MAST3: variants seen among roughly 807,000 people sequenced by gnomAD.
MAST3 encodes microtubule-associated serine/threonine-protein kinase 3.
Under a neutral mutation model 127.0 loss-of-function variants are expected in MAST3, and 43 were observed. That is an observed-to-expected ratio of 0.34 (90% CI 0.27 to 0.44). The LOEUF (loss-of-function observed/expected upper bound fraction) is 0.44. Ranked by LOEUF, MAST3 falls within the 20% of genes least tolerant of loss-of-function variation. The probability of loss-of-function intolerance (pLI) is 1.00; values close to 1 mark genes in which losing one functional copy is unlikely to be tolerated. For missense variants in MAST3, 1,390 were observed against 1,919.1 expected (o/e 0.72, Z 5.15); for synonymous variants, 785 against 809.2 (o/e 0.97, Z 0.51).
chr19:18,108,815 TC>T (rs2038273541), intron 2 of MAST3, among the ~76,000 whole-genome samples: 1 of 152,126 alleles, frequency 6.6e-6, no homozygotes, highest in South Asian at 2.1e-4. Context: ...GGACACCCCA[TC>T]TTTGGGAGCT....
Position 18,144,791 on chromosome 19 carries a change from C to A in MAST3, c.2812+98C>A. On this transcript the variant is annotated intron_variant, in intron 23 of 27. Transcript: ENST00000687212. This position sits in a 1 kb window ranked among gnomAD's most constrained non-coding sequence, Gnocchi z 4.0. ...AGTTGGGGAGGCTGGGGATGAGCCC[C>A]AGAAGAGGGGAGGAGGAGTAGGACA... 7.6e-7 allele frequency: 1 copy of A among 1,314,808 alleles called. No homozygotes were observed. Among genetic ancestry groups the A allele is most frequent in the East Asian group, 2.3e-5 (1 of 42,582 alleles). The allele number at this position is 1,314,808 out of a possible 1,614,324, so 81.4% of individuals were successfully genotyped here. A position where few individuals can be genotyped will look rare whatever the true frequency, so the allele number is the denominator to read the frequency against.
chr19:18,139,322 G>GT (rs2042202233), intron 20 of MAST3, among the ~76,000 whole-genome samples, 198 bp downstream of exon 20: 1 of 150,592 alleles, frequency 6.6e-6, no homozygotes, highest in Admixed American at 6.6e-5. Flanking sequence ...AATTGTATTG[G>GT]TTTTTTGTTT....
At chr19:18,109,867 G>T in intron 2 of MAST3, 1 of 898,416 alleles carries the variant, frequency 1.1e-6, no homozygotes, top group Non-Finnish European at 1.3e-6. Flanking sequence ...ACTGCGCTCA[G>T]ATCCCGGCTC....
intron 13 of MAST3, 162 bp downstream of exon 13, chr19:18,129,113 C>A: frequency 1.5e-6 from 1 of 653,226 alleles, no homozygotes; most frequent in Non-Finnish European, 2.7e-6. Context: ...AGTGGAGACA[C>A]GCCATAGCGA....
At chr19:18,129,064 T>C in intron 13 of MAST3, 113 bp downstream of exon 13, 2 of 905,396 alleles carry the variant, frequency 2.2e-6, no homozygotes, top group Admixed American at 4.1e-5. Context: ...ACATTCATCC[T>C]TGAATGGGCA....
intron 13 of MAST3, among the ~76,000 whole-genome samples, chr19:18,129,619 G>T (rs1244663650): frequency 1.3e-5 from 2 of 152,196 alleles, no homozygotes; most frequent in East Asian, 3.8e-4. Flanking sequence ...AAACGGATGT[G>T]TAAAACTTTG....
At chr19:18,140,865 C>T (rs560777660) in intron 20 of MAST3, among the ~76,000 whole-genome samples, 100 of 152,264 alleles carry the variant, frequency 6.6e-4, no homozygotes, top group Non-Finnish European at 9.0e-4. Context: ...GCAATCTCAG[C>T]TCACTGCAAC....
rs569961100 is a variant in MAST3, at chr19:18,149,452, G to A, written c.3770G>A (p.Arg1257His). ...PPAPARSPRL[R>H]RGQSADKLGT... ...GCACCTGCCCGATCCCCGCGGCTGC[G>A]CCGGGGCCAGTCAGCTGACAAGCTG... Residue 1257 changes from arginine (R) to histidine (H), a missense_variant, in exon 28 of 28, where the codon CGC (arginine) becomes CAC (histidine). Arg to His is a conservative substitution (Grantham distance 29). This residue lies in a region of MAST3 where 816 missense variants were observed against 934.1 expected (regional missense o/e 0.87). Coordinates refer to ENST00000687212, the MANE Select transcript of MAST3 (RefSeq NM_001393504.1). The surrounding 1 kb of genome is among the most constrained non-coding windows in gnomAD (Gnocchi z 5.9). The A allele has an allele frequency of 6.3e-5, 96 of 1,533,284 alleles. No homozygotes were observed. Among genetic ancestry groups the A allele is most frequent in the African/African-American group, 2.2e-4 (16 of 72,432 alleles). The allele number at this position is 1,533,284 out of a possible 1,614,324, so 95.0% of individuals were successfully genotyped here.
intron 13 of MAST3, 114 bp downstream of exon 13, chr19:18,129,065 T>C: frequency 1.1e-6 from 1 of 904,800 alleles, no homozygotes; most frequent in Non-Finnish European, 1.8e-6. Context: ...CATTCATCCT[T>C]GAATGGGCAG....
At chr19:18,111,636 G>A (rs1212410850) in intron 3 of MAST3, among the ~76,000 whole-genome samples, 2 of 147,708 alleles carry the variant, frequency 1.4e-5, no homozygotes, top group African/African-American at 5.0e-5. Context: ...CTGGGTTCAA[G>A]CAATTCTCCT....
Position 18,145,384 on chromosome 19 carries a change from G to C in MAST3, c.3039+155G>C, listed in dbSNP as rs758643529. Reference sequence around the variant, plus strand: ...TCGGTCCCTGTCATTTGGCAGGGAGGAGGTCAGATGAGAGAGACAAGGATG... The same window carrying C: ...TCGGTCCCTGTCATTTGGCAGGGAGCAGGTCAGATGAGAGAGACAAGGATG... On this transcript the variant is annotated intron_variant, in intron 24 of 27. Coordinates refer to ENST00000687212, the MANE Select transcript of MAST3 (RefSeq NM_001393504.1). The surrounding 1 kb of genome is among the most constrained non-coding windows in gnomAD (Gnocchi z 5.9). Among the ~76,000 whole-genome samples the C allele has an allele frequency of 6.6e-6, 1 of 152,166 alleles. No individual in the cohort carries two copies. The highest frequency in any genetic ancestry group is 1.9e-4 in the East Asian group (1 of 5,182).
chr19:18,124,570 A>T, intron 10 of MAST3, 72 bp from the exon 11 acceptor site: 1 of 1,500,832 alleles, frequency 6.7e-7, no homozygotes. Flanking sequence ...TGCTCCAGGC[A>T]GAGGGAACAG....
intron 5 of MAST3, 31 bp from the exon 6 acceptor site, chr19:18,122,640 CTT>C: frequency 6.3e-7 from 1 of 1,592,470 alleles, no homozygotes; most frequent in Non-Finnish European, 8.6e-7. Context: ...GGGGCCAGGC[CTT>C]CCTTCCATCT....
chr19:18,146,360 G>A (rs74936929), intron 25 of MAST3, among the ~76,000 whole-genome samples: 2,557 of 152,230 alleles, frequency 0.017, 58 homozygotes, highest in African/African-American at 0.058. Context: ...TGAGAGGATC[G>A]CTTGGGCCGA....
chr19:18,138,938 C>A, intron 19 of MAST3, 77 bp from the exon 20 acceptor site: 1 of 972,582 alleles, frequency 1.0e-6, no homozygotes, highest in Non-Finnish European at 1.6e-6. Flanking sequence ...CCTGAGATGC[C>A]CTCCCCGTAT....
rs1568621330 is a variant in MAST3, at chr19:18,149,395, G to GCTCGCC, written c.3721_3726dup (p.Ser1241_Pro1242dup). ...CCGCCCATCTCCGCGCCCCCACCCC[G>GCTCGCC]CTCGCCCTCGCCCCTGCCCGGGCAC... is the stretch of plus-strand genomic sequence containing the variant. On this transcript the variant is annotated inframe_insertion, in exon 28 of 28. Coordinates refer to ENST00000687212, the MANE Select transcript of MAST3 (RefSeq NM_001393504.1). The surrounding 1 kb of genome is among the most constrained non-coding windows in gnomAD (Gnocchi z 5.9). 6.9e-7 allele frequency: 1 copy of GCTCGCC among 1,448,456 alleles called. No individual in the cohort carries two copies. The highest frequency in any genetic ancestry group is 1.4e-5 in the South Asian group (1 of 73,572). 89.7% of individuals were successfully genotyped at this position (1,448,456 alleles called of 1,614,324 possible). A position where few individuals can be genotyped will look rare whatever the true frequency, so the allele number is the denominator to read the frequency against.
Position 18,123,783 on chromosome 19 carries a change from C to A in MAST3, c.633+128C>A, listed in dbSNP as rs1380824149. 3 of 1,069,334 alleles carry A rather than the reference C, an allele frequency of 2.8e-6. No individual in the cohort carries two copies. The African/African-American group carries it at 4.7e-5, about 17-fold the overall frequency. 66.2% of individuals were successfully genotyped at this position (1,069,334 alleles called of 1,614,324 possible). A position where few individuals can be genotyped will look rare whatever the true frequency, so the allele number is the denominator to read the frequency against. ...TTCATTTCTGTCTTTCCTTCCCCTT[C>A]CGTTGAAAGATGTCGTTCCTCCTGC... is the stretch of plus-strand genomic sequence containing the variant. On this transcript the variant is annotated intron_variant, in intron 8 of 27. Coordinates refer to ENST00000687212, the MANE Select transcript of MAST3 (RefSeq NM_001393504.1).
chr19:18,142,298 C>A (rs2042574144), intron 21 of MAST3, among the ~76,000 whole-genome samples: 2 of 151,990 alleles, frequency 1.3e-5, no homozygotes, highest in South Asian at 4.1e-4. Context: ...AAGCTCAGAC[C>A]CAACAGAAAC....
At position 18,149,195 on chromosome 19, in the gene MAST3, C is replaced by A; in HGVS notation, c.3513C>A (p.Thr1171=). 1 of 1,518,976 alleles carries A rather than the reference C, an allele frequency of 6.6e-7. No individual in the cohort carries two copies. 94.1% of individuals were successfully genotyped at this position (1,518,976 alleles called of 1,614,324 possible). ...ACCTACGCTTATCACCCACAGATAC[C>A]ACTGCATCCCCACCCAGCGCATCCC... ...RSPAPDVPAD[T]TASPPSASPS... is the part of the protein sequence containing the mutation. The change falls in exon 28 of 28, where the codon ACC becomes ACA. Residue 1171 remains threonine (T), a synonymous_variant. Transcript: ENST00000687212. This position sits in a 1 kb window ranked among gnomAD's most constrained non-coding sequence, Gnocchi z 5.9.
Sources: gnomAD v4.1 joint callset for allele counts (sites outside exome capture counted in the v4.1 genomes callset) on GRCh38, gnomAD v4.1.1 for gene constraint, gnomAD v4.1.1 regional missense constraint, Gnocchi (gnomAD v3.1) non-coding constraint, MANE v1.5 for transcripts, NCBI Gene and HGNC (gene_info 2026-07-23, HGNC 2026-07-21) for gene names.